Variants in CDH18 observed in about 807,000 individuals in gnomAD.
CDH18 encodes the protein cadherin 18.
A neutral mutation model predicts 67.9 loss-of-function variants in CDH18; 31 were observed. The ratio of observed to expected loss-of-function variants is 0.46; its 90% CI spans 0.34 to 0.62. CDH18 has a LOEUF of 0.62. Ranked by LOEUF, CDH18 falls within the 20% of genes least tolerant of loss-of-function variation. The pLI is 0.01. For synonymous variants in CDH18, 362 were observed against 347.2 expected, an observed-to-expected ratio of 1.04 and a Z score of -0.48; for missense variants, 890 against 975.5, an observed-to-expected ratio of 0.91 and a Z score of 1.17.
chr5:20,415,230 C>CAA (rs199940616), intron 1 of CDH18, among the ~76,000 whole-genome samples: 1 of 151,294 alleles, frequency 6.6e-6, no homozygotes, highest in Admixed American at 6.6e-5. Flanking sequence ...TACTAAAATA[C>CAA]AAAAAAATTA....
chr5:19,524,021 A>C (rs1654730153), intron 9 of CDH18, among the ~76,000 whole-genome samples: 1 of 152,050 alleles, frequency 6.6e-6, no homozygotes, highest in South Asian at 2.1e-4. Context: ...TAAAAATAGA[A>C]AACAACACGT....
intron 7 of CDH18, among the ~76,000 whole-genome samples, chr5:19,578,927 A>G (rs530290955): frequency 6.6e-6 from 1 of 152,088 alleles, no homozygotes; most frequent in African/African-American, 2.4e-5. Context: ...GTATTTGGAA[A>G]GGAGCATTTT....
chr5:19,670,138 T>C (rs1184063047), intron 5 of CDH18, among the ~76,000 whole-genome samples: 1 of 152,138 alleles, frequency 6.6e-6, no homozygotes, highest in Non-Finnish European at 1.5e-5. Context: ...GAGAAAATTT[T>C]GTGCATAGAA....
Position 19,941,511 on chromosome 5 carries a change from A to G in CDH18, c.-257+39549T>C, listed in dbSNP as rs929496685. Among the ~76,000 whole-genome samples the G allele has an allele frequency of 2.6e-5, 4 of 152,010 alleles. No individual in the cohort carries two copies. The East Asian group carries it at 7.8e-4, about 29-fold the overall frequency. On this transcript the variant is annotated intron_variant, in intron 2 of 12. Coordinates refer to ENST00000382275, the MANE Select transcript of CDH18 (RefSeq NM_004934.5). ...TAAGAACTTCCTTGGGCCAGGTGCC[A>G]TGGCTCATGTCCGTAATCCCAGAAC...
chr5:19,748,474 A>G (rs1251126665), intron 3 of CDH18, among the ~76,000 whole-genome samples: 1 of 152,172 alleles, frequency 6.6e-6, no homozygotes, highest in Non-Finnish European at 1.5e-5. Flanking sequence ...TGCCAGTGCT[A>G]TATTTCTAGC....
intron 12 of CDH18, among the ~76,000 whole-genome samples, chr5:19,479,046 G>A (rs1479187201): frequency 6.6e-6 from 1 of 152,162 alleles, no homozygotes; most frequent in Non-Finnish European, 1.5e-5. Flanking sequence ...GTTGTAAAAT[G>A]TTGAACCATA....
chr5:19,547,312 C>T (rs575781521), intron 8 of CDH18, among the ~76,000 whole-genome samples: 202 of 152,200 alleles, frequency 1.3e-3, no homozygotes, highest in African/African-American at 4.7e-3. Flanking sequence ...TTTTTGGTTA[C>T]TGTAAGAAAA....
chr5:19,870,611 T>C (rs1401171335), intron 2 of CDH18, among the ~76,000 whole-genome samples: 2 of 152,066 alleles, frequency 1.3e-5, no homozygotes, highest in East Asian at 1.9e-4. Context: ...CCTGAGCAAG[T>C]TTATGTTTTC....
chr5:19,993,439 A>G lies in CDH18; in HGVS notation c.-517-1425T>C, dbSNP rs192775809. Reference sequence around the variant, plus strand: ...AAAATATTGAGAACTTATTTGGAATATTGTATTTTAAGATTATAGCTAATT... The same window carrying G: ...AAAATATTGAGAACTTATTTGGAATGTTGTATTTTAAGATTATAGCTAATT... On this transcript the variant is annotated intron_variant, in intron 2 of 14. Transcript: ENST00000507958. Among the ~76,000 whole-genome samples, 377 of 152,254 alleles carry G rather than the reference A, an allele frequency of 2.5e-3. 5 individuals are homozygous for G. Among genetic ancestry groups the G allele is most frequent in the Non-Finnish European group, 5.3e-4 (36 of 67,992 alleles).
intron 1 of CDH18, among the ~76,000 whole-genome samples, chr5:20,503,701 G>T (rs1251915985): frequency 1.3e-5 from 2 of 152,138 alleles, no homozygotes; most frequent in Non-Finnish European, 2.9e-5. Context: ...GAAAAGAGTT[G>T]CTTAGATGCA....
chr5:19,654,654 G>A (rs1756082071), intron 5 of CDH18, among the ~76,000 whole-genome samples: 1 of 152,182 alleles, frequency 6.6e-6, no homozygotes, highest in Admixed American at 6.5e-5. Flanking sequence ...CTCACTGATG[G>A]CTTAAGTGAT....
At chr5:20,575,269 A>G (rs983565540) in intron 1 of CDH18, among the ~76,000 whole-genome samples, 1 of 145,498 alleles carries the variant, frequency 6.9e-6, no homozygotes, top group Non-Finnish European at 1.6e-5. Flanking sequence ...CTGTACCTGG[A>G]GATATTTTTT....
At chr5:19,989,781 C>T (rs1799878526), upstream of CDH18, among the ~76,000 whole-genome samples, 1 of 152,072 alleles carries the variant, frequency 6.6e-6, no homozygotes, top group Non-Finnish European at 1.5e-5. Flanking sequence ...TTTGATTTAG[C>T]TTTCGGAAAG....
chr5:19,764,130 C>T (rs1262251088), intron 3 of CDH18, among the ~76,000 whole-genome samples: 1 of 148,698 alleles, frequency 6.7e-6, no homozygotes, highest in African/African-American at 2.5e-5. Context: ...GATCGTGCCA[C>T]TGTACTCTGC....
At chr5:19,921,530 CAA>C (rs1291902430) in intron 2 of CDH18, among the ~76,000 whole-genome samples, 8 of 75,146 alleles carry the variant, frequency 1.1e-4, no homozygotes, top group Non-Finnish European at 1.6e-4. Context: ...GACTCCGTCT[CAA>C]AAAAAAAAAA....
chr5:19,822,639 C>T (rs532838672), intron 3 of CDH18, among the ~76,000 whole-genome samples: 52 of 152,106 alleles, frequency 3.4e-4, no homozygotes, highest in African/African-American at 7.0e-4. Flanking sequence ...AGGGAGTGTA[C>T]GAATAGGGTG....
chr5:19,801,165 T>A (rs946784201), intron 3 of CDH18, among the ~76,000 whole-genome samples: 17 of 152,136 alleles, frequency 1.1e-4, no homozygotes, highest in Non-Finnish European at 1.2e-4. Flanking sequence ...AGAGGTGGCA[T>A]GAAGACGTGT....
intron 9 of CDH18, among the ~76,000 whole-genome samples, chr5:19,541,986 G>A (rs1012501228): frequency 6.6e-6 from 1 of 152,102 alleles, no homozygotes; most frequent in Non-Finnish European, 1.5e-5. Context: ...TTATTTTGAA[G>A]ATGAAAATAA....
chr5:20,542,691 C>T (rs970867327), intron 1 of CDH18, among the ~76,000 whole-genome samples: 1 of 151,836 alleles, frequency 6.6e-6, no homozygotes, highest in East Asian at 1.9e-4. Context: ...CATTTTTCTC[C>T]ACATCATTTT....
Sources: allele counts gnomAD v4.1 joint callset (sites outside exome capture counted in the v4.1 genomes callset), GRCh38; gene constraint gnomAD v4.1.1; transcripts MANE v1.5; gene names NCBI Gene and HGNC (gene_info 2026-07-23, HGNC 2026-07-21).